NLGN1: variants seen among roughly 807,000 people sequenced by gnomAD.
NLGN1 encodes neuroligin 1, also known as neuroligin-1.
In NLGN1, 12 loss-of-function variants were observed where a neutral mutation model predicts 65.5. That is an observed-to-expected ratio of 0.18 (90% confidence interval 0.12 to 0.30). The LOEUF is 0.30. NLGN1 is among the 10% of genes least tolerant of loss of function. The probability of loss-of-function intolerance (pLI) is 1.00; values close to 1 mark genes in which losing one functional copy is unlikely to be tolerated. For missense variants in NLGN1, 750 were observed against 1,007.1 expected (o/e 0.74, Z 3.46); for synonymous variants, 350 against 359.5 (o/e 0.97, Z 0.30).
intron 4 of NLGN1, among the ~76,000 whole-genome samples, chr3:174,218,146 T>C (rs1348155124): frequency 6.6e-6 from 1 of 152,018 alleles, no homozygotes; most frequent in African/African-American, 2.4e-5. Context: ...TCAAGCAAGG[T>C]TAAAATGAAA....
At chr3:173,957,277 G>A (rs1302999010) in intron 4 of NLGN1, among the ~76,000 whole-genome samples, 1 of 151,988 alleles carries the variant, frequency 6.6e-6, no homozygotes. Flanking sequence ...GGGCAAAAGG[G>A]CAATATTATG....
At chr3:174,266,043 T>C (rs1748145898) in intron 4 of NLGN1, among the ~76,000 whole-genome samples, 1 of 123,800 alleles carries the variant, frequency 8.1e-6, no homozygotes. Flanking sequence ...TATATATATA[T>C]ATATTTTTTT....
At chr3:173,408,030 T>C (rs1711628393) in intron 1 of NLGN1, among the ~76,000 whole-genome samples, 1 of 152,224 alleles carries the variant, frequency 6.6e-6, no homozygotes, top group Admixed American at 6.5e-5. Flanking sequence ...GCTGAGATTA[T>C]TTGATTGCCT....
At chr3:174,127,537 T>C (rs1435895998) in intron 4 of NLGN1, among the ~76,000 whole-genome samples, 1 of 152,104 alleles carries the variant, frequency 6.6e-6, no homozygotes. Flanking sequence ...CCTGCCAAAC[T>C]CGTCTCTTCA....
At chr3:173,783,090 A>T (rs1781425539) in intron 3 of NLGN1, among the ~76,000 whole-genome samples, 2 of 152,192 alleles carry the variant, frequency 1.3e-5, no homozygotes, top group Non-Finnish European at 2.9e-5. Context: ...TGGAAAGGAT[A>T]CACACGAAAA....
At chr3:173,484,269 A>G (rs1032652638) in intron 2 of NLGN1, among the ~76,000 whole-genome samples, 2 of 151,626 alleles carry the variant, frequency 1.3e-5, no homozygotes, top group African/African-American at 4.9e-5. Context: ...AATGGATGAC[A>G]AAATCACATC....
intron 2 of NLGN1, among the ~76,000 whole-genome samples, chr3:173,449,157 G>C (rs1720983910): frequency 6.6e-6 from 1 of 151,568 alleles, no homozygotes; most frequent in South Asian, 2.1e-4. Flanking sequence ...GTGATGTTAG[G>C]GTGTCAATTT....
chr3:173,480,457 T>A (rs1727086599), intron 2 of NLGN1, among the ~76,000 whole-genome samples: 1 of 152,154 alleles, frequency 6.6e-6, no homozygotes, highest in Non-Finnish European at 1.5e-5. Context: ...GGTTTGCACG[T>A]ATGCACTCAG....
intron 4 of NLGN1, among the ~76,000 whole-genome samples, chr3:173,987,358 G>C (rs959356236): frequency 1.3e-5 from 2 of 152,190 alleles, no homozygotes; most frequent in African/African-American, 4.8e-5. Context: ...ATCAAGATCT[G>C]AGGAAATCAA....
chr3:173,942,109 G>GGTGTGT lies in NLGN1; in HGVS notation c.646+134304_646+134309dup, dbSNP rs1050946666. On this transcript the variant is annotated intron_variant, in intron 4 of 6. Coordinates refer to ENST00000457714, the Ensembl canonical transcript of NLGN1. ...ATGGTCAGGAATATTGGTGGTTGGG[G>GGTGTGT]GTGTGTGTGTGTGTGTGTGTGTGTG... 3.4e-3 allele frequency among the ~76,000 whole-genome samples: 490 copies of GGTGTGT among 144,136 alleles called. 4 individuals carry two copies. The highest frequency in any genetic ancestry group is 0.011 in the African/African-American group (444 of 38,658). 94.6% of individuals were successfully genotyped at this position (144,136 alleles called of 152,430 possible). A position where few individuals can be genotyped will look rare whatever the true frequency, so the allele number is the denominator to read the frequency against.
rs550126437 is a variant in NLGN1, at chr3:174,164,939, T to G, written c.647-110376T>G. Among the ~76,000 whole-genome samples the G allele has an allele frequency of 2.1e-4, 32 of 152,196 alleles. No individual in the cohort carries two copies. The South Asian group carries it at 6.2e-3, about 30-fold the overall frequency. On this transcript the variant is annotated intron_variant, in intron 4 of 6. Transcript: ENST00000457714. ...GGCTGTATGGATATTTTGATGATATTGATTCTTCCAATCCATGAGCATAGA... is the reference window on the plus strand; with the variant it reads ...GGCTGTATGGATATTTTGATGATATGGATTCTTCCAATCCATGAGCATAGA...
intron 2 of NLGN1, among the ~76,000 whole-genome samples, chr3:173,597,886 G>A (rs1285461109): frequency 1.3e-5 from 2 of 151,958 alleles, no homozygotes; most frequent in Admixed American, 1.3e-4. Flanking sequence ...CTACTAAAAT[G>A]GGCATTAATT....
At chr3:173,668,804 A>G (rs1200731301) in intron 3 of NLGN1, among the ~76,000 whole-genome samples, 1 of 151,702 alleles carries the variant, frequency 6.6e-6, no homozygotes, top group Admixed American at 6.6e-5. Flanking sequence ...TTGTATTTTT[A>G]GTAGAGACGG....
chr3:173,642,437 G>A (rs1451043047), intron 3 of NLGN1, among the ~76,000 whole-genome samples: 1 of 152,156 alleles, frequency 6.6e-6, no homozygotes, highest in African/African-American at 2.4e-5. Flanking sequence ...TAAGCACCAT[G>A]ATTAAAACAT....
chr3:173,876,194 A>T (rs775799523), intron 4 of NLGN1, among the ~76,000 whole-genome samples: 1 of 152,178 alleles, frequency 6.6e-6, no homozygotes, highest in Non-Finnish European at 1.5e-5. Context: ...ACAGTAGGTT[A>T]TGATGGCTGT....
chr3:174,183,503 T>C (rs185623559), intron 4 of NLGN1, among the ~76,000 whole-genome samples: 158 of 152,254 alleles, frequency 1.0e-3, no homozygotes, highest in Middle Eastern at 6.8e-3. Context: ...CAAGAAATAA[T>C]TTATGATGGC....
At chr3:173,832,113 A>G (rs1722706082) in intron 4 of NLGN1, among the ~76,000 whole-genome samples, 1 of 116,950 alleles carries the variant, frequency 8.6e-6, no homozygotes, top group South Asian at 2.7e-4. Flanking sequence ...CTCGCCTCCA[A>G]GCCCAGCTAA....
chr3:173,863,147 A>AT (rs1266485758), intron 4 of NLGN1, among the ~76,000 whole-genome samples: 1 of 151,894 alleles, frequency 6.6e-6, no homozygotes, highest in Non-Finnish European at 1.5e-5. Flanking sequence ...AAAAAAAAAA[A>AT]CTTTCTTCTA....
chr3:173,668,442 A>T (rs910445642), intron 3 of NLGN1, among the ~76,000 whole-genome samples: 2 of 152,008 alleles, frequency 1.3e-5, no homozygotes, highest in African/African-American at 4.8e-5. Flanking sequence ...GAAGTACAAC[A>T]CAAGTAGAAG....
Sources: allele counts gnomAD v4.1 joint callset (sites outside exome capture counted in the v4.1 genomes callset), GRCh38; gene constraint gnomAD v4.1.1; transcripts MANE v1.5; gene names NCBI Gene and HGNC (gene_info 2026-07-23, HGNC 2026-07-21).